MYO10: variants seen among roughly 807,000 people sequenced by gnomAD.
The protein encoded by MYO10 is unconventional myosin-X.
In MYO10, 133 loss-of-function variants were observed where a neutral mutation model predicts 257.3. The observed-to-expected ratio is 0.52, with a 90% CI of 0.45 to 0.60. The LOEUF (loss-of-function observed/expected upper bound fraction) is 0.60. MYO10 is among the 20% of genes least tolerant of loss of function. The pLI is 0.00. For synonymous variants in MYO10, 1,104 were observed against 1,028.6 expected, an observed-to-expected ratio of 1.07 and a Z score of -1.40; for missense variants, 2,399 against 2,635.7, an observed-to-expected ratio of 0.91 and a Z score of 1.97.
intron 34 of MYO10, 73 bp downstream of exon 34, chr5:16,675,958 T>G: frequency 6.7e-7 from 1 of 1,482,264 alleles, no homozygotes; most frequent in Non-Finnish European, 9.1e-7. Flanking sequence ...AATGCTTCTG[T>G]GTTAAGCTAA....
At chr5:16,685,549 CTTA>C (rs1343919372) in intron 29 of MYO10, among the ~76,000 whole-genome samples, 186 bp downstream of exon 29, 5 of 152,176 alleles carry the variant, frequency 3.3e-5, no homozygotes, top group East Asian at 3.9e-4. Context: ...TATTGTACCA[CTTA>C]TTATATTTAT....
At chr5:16,750,790 G>A (rs904246550) in intron 19 of MYO10, among the ~76,000 whole-genome samples, 1 of 152,116 alleles carries the variant, frequency 6.6e-6, no homozygotes, top group Non-Finnish European at 1.5e-5. Context: ...GAGGTCAAGA[G>A]TTTGAGACCA....
At chr5:16,892,563 A>G (rs1305206149) in intron 1 of MYO10, among the ~76,000 whole-genome samples, 1 of 152,164 alleles carries the variant, frequency 6.6e-6, no homozygotes, top group Non-Finnish European at 1.5e-5. Context: ...GAGTCTCCTG[A>G]ACCAAGGAGG....
chr5:16,922,796 TGAG>T (rs1269039219), intron 1 of MYO10, among the ~76,000 whole-genome samples: 3 of 152,136 alleles, frequency 2.0e-5, no homozygotes, highest in Admixed American at 2.0e-4. Flanking sequence ...TCTGGGACGC[TGAG>T]GAGGGAGGAT....
intron 1 of MYO10, among the ~76,000 whole-genome samples, chr5:16,889,333 G>A (rs928763602): frequency 6.6e-6 from 1 of 152,010 alleles, no homozygotes. Flanking sequence ...TTGAACCCAG[G>A]AGGCGGAGGT....
chr5:16,824,053 G>A (rs1029305152), intron 2 of MYO10, among the ~76,000 whole-genome samples: 1 of 152,108 alleles, frequency 6.6e-6, no homozygotes, highest in Non-Finnish European at 1.5e-5. Flanking sequence ...CGTGGGGGCA[G>A]AACAAAGGAA....
At chr5:16,865,450 A>C (rs969351845) in intron 2 of MYO10, among the ~76,000 whole-genome samples, 10 of 152,320 alleles carry the variant, frequency 6.6e-5, no homozygotes, top group East Asian at 3.9e-4. Context: ...TCTATTTCTT[A>C]AGAAAAGATA....
chr5:16,915,977 AAT>A (rs2126796055), intron 1 of MYO10: 7 of 416,678 alleles, frequency 1.7e-5, no homozygotes, highest in South Asian at 4.9e-5. Flanking sequence ...AAAAAAAAAA[AAT>A]CACTCACCAT....
At chr5:16,750,038 C>T (rs977625883) in intron 19 of MYO10, among the ~76,000 whole-genome samples, 15 of 152,134 alleles carry the variant, frequency 9.9e-5, no homozygotes, top group Admixed American at 5.9e-4. Flanking sequence ...CCACCGCCAC[C>T]GCCCAAGCAA....
chr5:16,763,431 G>T, intron 14 of MYO10, 50 bp downstream of exon 14: 1 of 1,420,146 alleles, frequency 7.0e-7, no homozygotes, highest in Non-Finnish European at 9.9e-7. Context: ...ATATGAATCA[G>T]TCCAGCTGGA....
intron 1 of MYO10, among the ~76,000 whole-genome samples, chr5:16,934,270 C>T (rs1374280165): frequency 1.3e-5 from 2 of 152,274 alleles, no homozygotes; most frequent in African/African-American, 4.8e-5. Flanking sequence ...CCACGGACCC[C>T]TGTGGTGCTC....
rs150654734 is a variant in MYO10, at chr5:16,774,209, C to T, written c.931-5006G>A. Among the ~76,000 whole-genome samples the T allele has an allele frequency of 4.2e-4, 64 of 152,190 alleles. 2 individuals carry two copies. The East Asian group carries it at 7.7e-3, about 18-fold the overall frequency. ...GTGTGTTGGGGGATGGTGGCGAATA[C>T]ACGGCAGAGTCCCAATCATCATGCA... On this transcript the variant is annotated intron_variant, in intron 9 of 40. Coordinates refer to ENST00000513610, the MANE Select transcript of MYO10 (RefSeq NM_012334.3).
chr5:16,694,343 C>G (rs201614072), intron 27 of MYO10, 28 bp downstream of exon 27: 2 of 1,612,956 alleles, frequency 1.2e-6, no homozygotes, highest in African/African-American at 1.3e-5. Flanking sequence ...AGCAACCCAT[C>G]GGGCCACAGC....
At chr5:16,743,506 G>A (rs1441125313) in intron 19 of MYO10, among the ~76,000 whole-genome samples, 1 of 152,050 alleles carries the variant, frequency 6.6e-6, no homozygotes, top group Admixed American at 6.6e-5. Flanking sequence ...GGCCAGGCGT[G>A]GCAGTGCACA....
intron 1 of MYO10, among the ~76,000 whole-genome samples, chr5:16,898,219 C>A (rs537780224): frequency 6.6e-6 from 1 of 151,008 alleles, no homozygotes; most frequent in African/African-American, 2.4e-5. Context: ...ATAAGGCAAG[C>A]CACATATGTA....
In MYO10 at chr5:16,701,369, T is replaced by G; in HGVS notation, c.3026A>C (p.Asn1009Thr). ...ADDDAFKDSP[N>T]PSEHGHSDQR... is the part of the protein sequence containing the mutation. ...GTCTGAGTGGCCGTGCTCGCTGGGG[T>G]TGGGGGAGTCCTTGAAGGCGTCGTC... is the stretch of plus-strand genomic sequence containing the variant. Residue 1009 changes from asparagine (N) to threonine (T), a missense_variant, in exon 25 of 41, where the codon AAC (asparagine) becomes ACC (threonine). By Grantham distance (65) the Asn-to-Thr change is moderately conservative (BLOSUM62 0). Around this residue, in one of 3 missense-constraint regions of MYO10, gnomAD observed 1,820 missense variants for 1,939.4 expected, o/e 0.94. Transcript: ENST00000513610. The surrounding 1 kb of genome is among the most constrained non-coding windows in gnomAD (Gnocchi z 8.1). 6.2e-7 allele frequency: 1 copy of G among 1,613,962 alleles called. No homozygotes were observed.
chr5:16,779,264 C>T (rs1031991594), intron 9 of MYO10, among the ~76,000 whole-genome samples: 1 of 152,068 alleles, frequency 6.6e-6, no homozygotes, highest in Non-Finnish European at 1.5e-5. Flanking sequence ...GTGGAAGGTA[C>T]ACTTTCTGAA....
At chr5:16,789,921 G>C (rs1017124099) in intron 4 of MYO10, among the ~76,000 whole-genome samples, 2 of 152,138 alleles carry the variant, frequency 1.3e-5, no homozygotes, top group African/African-American at 2.4e-5. Context: ...TACAGAAAAT[G>C]CCTCTTGGGC....
At chr5:16,686,686 C>T (rs1050984750) in intron 28 of MYO10, among the ~76,000 whole-genome samples, 9 of 151,404 alleles carry the variant, frequency 5.9e-5, no homozygotes, top group East Asian at 3.9e-4. Context: ...CCACCATGCC[C>T]GGCTAATTTT....
Sources: allele counts gnomAD v4.1 joint callset (sites outside exome capture counted in the v4.1 genomes callset), GRCh38; gene constraint gnomAD v4.1.1; regional missense constraint gnomAD v4.1.1; non-coding constraint Gnocchi (gnomAD v3.1); transcripts MANE v1.5; gene names NCBI Gene and HGNC (gene_info 2026-07-23, HGNC 2026-07-21).